The following ATG16L1 variants were observed in gnomAD, a reference collection of about 807,000 sequenced individuals.
The protein encoded by ATG16L1 is autophagy related 16 like 1.
In ATG16L1, 37 loss-of-function variants were observed where a neutral mutation model predicts 88.5. The ratio of observed to expected loss-of-function variants is 0.42; its 90% CI spans 0.32 to 0.55. The LOEUF is 0.55. ATG16L1 is among the 20% of genes least tolerant of loss of function. The probability of loss-of-function intolerance (pLI) is 0.13; values close to 1 mark genes in which losing one functional copy is unlikely to be tolerated. For synonymous variants in ATG16L1, 301 were observed against 281.0 expected (o/e 1.07, Z -0.71); for missense variants, 554 against 752.8 (o/e 0.74, Z 3.09).
chr2:233,288,573 T>G (rs1699236141), intron 12 of ATG16L1: 1 of 348,506 alleles, frequency 2.9e-6, no homozygotes, highest in Non-Finnish European at 5.7e-6. Flanking sequence ...TGAGCCACTT[T>G]GCCAACCCTT....
intron 17 of ATG16L1, 39 bp from the exon 18 acceptor site, chr2:233,294,218 G>A (rs1215979274): frequency 6.7e-7 from 1 of 1,496,132 alleles, no homozygotes; most frequent in Non-Finnish European, 9.1e-7. Context: ...CATCCCAAAT[G>A]TTCTGAAACT....
At chr2:233,272,086 T>A (rs1166940015) in intron 6 of ATG16L1, among the ~76,000 whole-genome samples, 1 of 152,254 alleles carries the variant, frequency 6.6e-6, no homozygotes, top group Non-Finnish European at 1.5e-5. Flanking sequence ...GTCAAGTTCT[T>A]ATGAATCCAA....
chr2:233,290,370 C>T lies in ATG16L1; in HGVS notation c.1430+17C>T. 1.3e-6 allele frequency: 2 copies of T among 1,595,216 alleles called. No homozygotes were observed. Among genetic ancestry groups the T allele is most frequent in the Non-Finnish European group, 1.7e-6 (2 of 1,162,786 alleles). On this transcript the variant is annotated intron_variant, in intron 14 of 17. Transcript: ENST00000392017. ...GGACATTCGGTATGATACCCAAGCT[C>T]CTGACTGGAGGCACATAAGAGTCTC...
intron 5 of ATG16L1, chr2:233,265,980 C>G (rs1697542956): frequency 6.6e-6 from 1 of 152,182 alleles, no homozygotes; most frequent in Non-Finnish European, 1.5e-5. Context: ...GATCAACCGT[C>G]TATATACACT....
At chr2:233,276,669 G>C (rs757155902) in intron 9 of ATG16L1, among the ~76,000 whole-genome samples, 29 of 152,148 alleles carry the variant, frequency 1.9e-4, no homozygotes, top group Non-Finnish European at 4.0e-4. Context: ...AAGAGACGAG[G>C]TTTCGCCACG....
At chr2:233,277,338 A>T (rs1446044044) in intron 9 of ATG16L1, 1 of 433,850 alleles carries the variant, frequency 2.3e-6, no homozygotes, top group Non-Finnish European at 4.3e-6. Context: ...ACAGATTTTG[A>T]GTACTTTTTG....
Position 233,251,975 on chromosome 2 carries a change from C to T in ATG16L1, c.115+33C>T, listed in dbSNP as rs545746853. ...GCGCCGGTGCGGGCTGGGAGTGGGG[C>T]GGGCGGGCCCCGCGGAGGCATGCGG... On this transcript the variant is annotated intron_variant, in intron 1 of 17. Coordinates refer to ENST00000392017, the MANE Select transcript of ATG16L1 (RefSeq NM_030803.7). 51 of 1,468,750 alleles carry T rather than the reference C, an allele frequency of 3.5e-5. No homozygotes were observed. In the African/African-American group the frequency reaches 5.0e-4, roughly 14 times the overall value. 91.0% of individuals were successfully genotyped at this position (1,468,750 alleles called of 1,614,324 possible). A position where few individuals can be genotyped will look rare whatever the true frequency, so the allele number is the denominator to read the frequency against.
intron 15 of ATG16L1, 25 bp from the exon 16 acceptor site, chr2:233,292,362 G>A (rs768063400): frequency 6.2e-7 from 1 of 1,614,158 alleles, no homozygotes; most frequent in South Asian, 1.1e-5. Context: ...CTCCCTCAGT[G>A]ACAGTGCCCT....
At chr2:233,293,180 T>G in intron 16 of ATG16L1, 76 bp from the exon 17 acceptor site, 2 of 1,292,022 alleles carry the variant, frequency 1.5e-6, no homozygotes, top group Non-Finnish European at 2.3e-6. Context: ...ACATTCCTTC[T>G]TGGGAAAAAG....
chr2:233,252,305 C>T (rs1034688536), intron 1 of ATG16L1, among the ~76,000 whole-genome samples: 2 of 152,136 alleles, frequency 1.3e-5, no homozygotes, highest in African/African-American at 2.4e-5. Flanking sequence ...ATTAACATTG[C>T]CTTCTCAATG....
chr2:233,293,485 C>A, intron 17 of ATG16L1, 128 bp downstream of exon 17: 1 of 818,682 alleles, frequency 1.2e-6, no homozygotes, highest in Non-Finnish European at 2.0e-6. Flanking sequence ...GCTCGGCTGG[C>A]TGAGCTAGGT....
intron 9 of ATG16L1, chr2:233,277,061 T>C (rs1190070539): frequency 6.5e-6 from 1 of 152,894 alleles, no homozygotes; most frequent in Non-Finnish European, 1.5e-5. Context: ...AATTCCATTA[T>C]AACACAGATT....
intron 1 of ATG16L1, among the ~76,000 whole-genome samples, chr2:233,252,689 C>T (rs62192930): frequency 4.6e-5 from 7 of 152,148 alleles, no homozygotes. Flanking sequence ...AGCCCGGCCC[C>T]ACCTTGGTGT....
intron 9 of ATG16L1, chr2:233,275,761 T>G (rs369183178): frequency 5.8e-6 from 3 of 519,142 alleles, no homozygotes; most frequent in Non-Finnish European, 1.2e-5. Flanking sequence ...CTGATTGCAC[T>G]GAATGTCACG....
In ATG16L1 at chr2:233,251,887, A is replaced by G. The variant is rs113377061; in HGVS notation, c.60A>G (p.Gln20=). ...GCTGGAAGCGCCACATCTCGGAGCA[A>G]CTGAGGCGCCGGGACCGGCTGCAGA... ...FPRWKRHISE[Q]LRRRDRLQRQ... Residue 20 remains glutamine, a synonymous_variant, in exon 1 of 18, where the codon CAA becomes CAG. Transcript: ENST00000392017. 2.0e-5 allele frequency: 31 copies of G among 1,551,094 alleles called. No homozygotes were observed. Among genetic ancestry groups the G allele is most frequent in the Middle Eastern group, 1.9e-4 (1 of 5,144 alleles).
chr2:233,262,023 A>G (rs1162831538), intron 2 of ATG16L1, among the ~76,000 whole-genome samples: 1 of 152,136 alleles, frequency 6.6e-6, no homozygotes, highest in Non-Finnish European at 1.5e-5. Context: ...TTTCACTTGA[A>G]TGGCCACAAA....
intron 12 of ATG16L1, among the ~76,000 whole-genome samples, chr2:233,284,854 G>A (rs1698973869): frequency 6.6e-6 from 1 of 152,234 alleles, no homozygotes; most frequent in African/African-American, 2.4e-5. Flanking sequence ...ATTTTCTTGA[G>A]AGGGTTGTAT....
At chr2:233,264,745 TA>T in intron 4 of ATG16L1, 146 bp from the exon 5 acceptor site, 1 of 1,059,360 alleles carries the variant, frequency 9.4e-7, no homozygotes, top group Non-Finnish European at 1.3e-6. Context: ...TTTCCTCTCC[TA>T]ATGGATTATC....
At chr2:233,269,860 CTT>C in intron 5 of ATG16L1, 140 bp from the exon 6 acceptor site, 2 of 723,396 alleles carry the variant, frequency 2.8e-6, no homozygotes, top group Non-Finnish European at 4.3e-6. Flanking sequence ...GGGCTTGTGA[CTT>C]TTGAGTATTT....
Sources: allele counts gnomAD v4.1 joint callset (sites outside exome capture counted in the v4.1 genomes callset), GRCh38; gene constraint gnomAD v4.1.1; transcripts MANE v1.5; gene names NCBI Gene and HGNC (gene_info 2026-07-23, HGNC 2026-07-21).